LUC7L: variants seen among roughly 807,000 people sequenced by gnomAD.
The protein encoded by LUC7L is putative RNA-binding protein Luc7-like 1.
In LUC7L, 29 loss-of-function variants were observed where a neutral mutation model predicts 51.1. The ratio of observed to expected loss-of-function variants is 0.57; its 90% confidence interval spans 0.42 to 0.77. The LOEUF (loss-of-function observed/expected upper bound fraction) is 0.77. LUC7L is among the 30% of genes least tolerant of loss of function. The probability of loss-of-function intolerance (pLI) is 0.00; values close to 1 mark genes in which losing one functional copy is unlikely to be tolerated. For missense variants in LUC7L, 403 were observed against 511.9 expected, an observed-to-expected ratio of 0.79 and a Z score of 2.05; for synonymous variants, 181 against 180.7, an observed-to-expected ratio of 1.00 and a Z score of -0.01.
chr16:223,967 C>T (rs547637093), intron 2 of LUC7L, among the ~76,000 whole-genome samples: 7 of 152,132 alleles, frequency 4.6e-5, no homozygotes, highest in African/African-American at 7.2e-5. Context: ...TATGAGCCAC[C>T]GCACCTGGCC....
chr16:195,253 C>T (rs2142043606), intron 6 of LUC7L, among the ~76,000 whole-genome samples: 1 of 151,518 alleles, frequency 6.6e-6, no homozygotes, highest in Non-Finnish European at 1.5e-5. Flanking sequence ...GTAAGACCTC[C>T]TACCTAAAAA....
intron 6 of LUC7L, among the ~76,000 whole-genome samples, chr16:197,100 G>C (rs1248303438): frequency 6.7e-6 from 1 of 150,340 alleles, no homozygotes; most frequent in East Asian, 2.0e-4. Context: ...TAGAGACGGG[G>C]TTTCACCTTG....
chr16:216,659 C>A (rs1473818109), intron 3 of LUC7L, among the ~76,000 whole-genome samples: 2 of 152,226 alleles, frequency 1.3e-5, no homozygotes, highest in South Asian at 2.1e-4. Context: ...AGATTACAGG[C>A]ATAAGCCACC....
chr16:217,164 G>A lies in LUC7L; in HGVS notation c.255+3485C>T, dbSNP rs151167822. Among the ~76,000 whole-genome samples the A allele has an allele frequency of 5.9e-3, 900 of 152,030 alleles. 16 individuals carry two copies. Among genetic ancestry groups the A allele is most frequent in the African/African-American group, 0.02 (831 of 41,462 alleles). On this transcript the variant is annotated intron_variant, in intron 3 of 9. Coordinates refer to ENST00000293872, the MANE Select transcript of LUC7L (RefSeq NM_201412.3). ...CCCGAGTAGTTGGGATTAGAGGACA[G>A]CACCACCATGCCCAGCTAATTTTTG...
At chr16:204,550 C>T (rs1454984466) in intron 5 of LUC7L, among the ~76,000 whole-genome samples, 5 of 150,162 alleles carry the variant, frequency 3.3e-5, no homozygotes, top group African/African-American at 9.8e-5. Flanking sequence ...ACTGAGATCG[C>T]ACCACTGCAC....
At chr16:214,684 G>A (rs1442423825) in intron 3 of LUC7L, among the ~76,000 whole-genome samples, 1 of 152,044 alleles carries the variant, frequency 6.6e-6, no homozygotes, top group African/African-American at 2.4e-5. Context: ...AGGCCACCTT[G>A]TCTGGCTAAT....
At chr16:197,542 TA>T (rs2049186226) in intron 6 of LUC7L, among the ~76,000 whole-genome samples, 1 of 152,184 alleles carries the variant, frequency 6.6e-6, no homozygotes, top group African/African-American at 2.4e-5. Flanking sequence ...TATAAACTTA[TA>T]AAGAAAAATT....
intron 4 of LUC7L, 75 bp downstream of exon 4, chr16:208,003 C>A (rs1465711192): frequency 3.0e-6 from 3 of 1,007,664 alleles, no homozygotes; most frequent in Non-Finnish European, 4.5e-6. Flanking sequence ...AGGGAGACTC[C>A]ATCTCAAAAA....
At chr16:202,397 C>T (rs2049359776) in intron 5 of LUC7L, among the ~76,000 whole-genome samples, 1 of 152,160 alleles carries the variant, frequency 6.6e-6, no homozygotes, top group African/African-American at 2.4e-5. Flanking sequence ...CATTGGAGGT[C>T]ACATTTCAAC....
In LUC7L at chr16:208,159, A is replaced by G. The variant is rs2049537560; in HGVS notation, c.285T>C (p.Ala95=). The G allele has an allele frequency of 6.2e-7, 1 of 1,613,660 alleles. No individual in the cohort carries two copies. The highest frequency in any genetic ancestry group is 8.5e-7 in the Non-Finnish European group (1 of 1,179,826). The change falls in exon 4 of 10, where the codon GCT becomes GCC. Residue 95 remains alanine, a synonymous_variant. Transcript: ENST00000293872. ...DAMDHLESFI[A]ECDRRTELAK... is the part of the protein sequence containing the mutation. ...CGAGCTCAGTTCTCCGATCACATTC[A>G]GCAATAAAGGACTCCAAGTGATCCA...
chr16:189,996 C>A lies in LUC7L; in HGVS notation c.946G>T (p.Ala316Ser). 1 of 1,613,674 alleles carries A rather than the reference C, an allele frequency of 6.2e-7. No individual in the cohort carries two copies. Among genetic ancestry groups the A allele is most frequent in the Non-Finnish European group, 8.5e-7 (1 of 1,179,650 alleles). The change falls in exon 9 of 10, where the codon GCT becomes TCT. Residue 316 changes from alanine (A) to serine (S), a missense_variant. Around this residue, in one of 3 missense-constraint regions of LUC7L, gnomAD observed 206 missense variants for 218.3 expected, o/e 0.94. Transcript: ENST00000293872. ...SRSHSRGHRR[A>S]SRDRSAKYKF... ...TATTTCGCACTTCGGTCCCGGGAAG[C>A]CCGACGATGTCCCCGGCTGTGGCTC...
At chr16:202,885 C>T (rs1440470184) in intron 5 of LUC7L, among the ~76,000 whole-genome samples, 23 of 152,178 alleles carry the variant, frequency 1.5e-4, no homozygotes, top group Admixed American at 1.3e-3. Flanking sequence ...CAGTGGCTCA[C>T]GCCTGTAATC....
chr16:189,594 C>T (rs1267286383), intron 9 of LUC7L: 1 of 1,356,996 alleles, frequency 7.4e-7, no homozygotes, highest in South Asian at 2.1e-5. Context: ...GAATACAACA[C>T]TATATGCACA....
intron 6 of LUC7L, among the ~76,000 whole-genome samples, chr16:195,701 G>A (rs2049130607): frequency 6.6e-6 from 1 of 152,120 alleles, no homozygotes; most frequent in African/African-American, 2.4e-5. Context: ...GGAATTACAG[G>A]CGTGAGCCAC....
At position 208,155 on chromosome 16, in the gene LUC7L, A is replaced by T. The variant is rs1214200359; in HGVS notation, c.289T>A (p.Cys97Ser). 2 of 1,613,482 alleles carry T rather than the reference A, an allele frequency of 1.2e-6. No homozygotes were observed. The highest frequency in any genetic ancestry group is 1.7e-6 in the Non-Finnish European group (2 of 1,179,828). ...MDHLESFIAE[C>S]DRRTELAKKR... Reference sequence around the variant, plus strand: ...TTGGCGAGCTCAGTTCTCCGATCACATTCAGCAATAAAGGACTCCAAGTGA... The same window carrying T: ...TTGGCGAGCTCAGTTCTCCGATCACTTTCAGCAATAAAGGACTCCAAGTGA... Residue 97 changes from cysteine (C) to serine (S), a missense_variant, in exon 4 of 10, where the codon TGT (cysteine) becomes AGT (serine). Physicochemically the swap from Cys to Ser is moderately radical, Grantham distance 112 (BLOSUM62 -1). Coordinates refer to ENST00000293872, the MANE Select transcript of LUC7L (RefSeq NM_201412.3).
Position 229,155 on chromosome 16 carries a change from GGGA to G in LUC7L, c.61+121_61+123del, listed in dbSNP as rs2050208597. ...CCCGGCGCCTGCGGTCGGAGCGCGG[GGGA>G]GGAGGAGCGATGCCCCGCGCAGGCG... On this transcript the variant is annotated intron_variant, in intron 1 of 9. Transcript: ENST00000293872. The G allele has an allele frequency of 3.7e-5, 53 of 1,433,110 alleles. No individual in the cohort carries two copies. The South Asian group carries it at 6.0e-4, about 16-fold the overall frequency. The allele number at this position is 1,433,110 out of a possible 1,614,324, so 88.8% of individuals were successfully genotyped here. A position where few individuals can be genotyped will look rare whatever the true frequency, so the allele number is the denominator to read the frequency against.
intron 1 of LUC7L, chr16:228,314 G>A: frequency 7.7e-7 from 1 of 1,304,158 alleles, no homozygotes; most frequent in East Asian, 5.5e-5. Context: ...TAACAGCTTA[G>A]AAATTGGTTG....
At chr16:212,020 G>A (rs2049655252) in intron 3 of LUC7L, among the ~76,000 whole-genome samples, 2 of 152,188 alleles carry the variant, frequency 1.3e-5, no homozygotes, top group Non-Finnish European at 2.9e-5. Context: ...GGGGCCGGGC[G>A]CGGTGGCTCA....
At position 189,273 on chromosome 16, in the gene LUC7L, C is replaced by G. The variant is rs368650717; in HGVS notation, c.1041G>C (p.Pro347=). The stretch of plus-strand genomic sequence containing the variant: ...CGTTGGAGCTCTCAAGCCTCCAGTC[C>G]GGGGGCCCTCGCTCGCTCCGCCCGC... ...WESGRSERGP[P]DWRLESSNGK... is the part of the protein sequence containing the mutation. The change falls in exon 10 of 10, where the codon CCG becomes CCC. Residue 347 remains proline (P), a synonymous_variant. Coordinates refer to ENST00000293872, the MANE Select transcript of LUC7L (RefSeq NM_201412.3). The G allele has an allele frequency of 1.1e-5, 17 of 1,613,820 alleles. No homozygotes were observed. In the African/African-American group the frequency reaches 2.0e-4, roughly 19 times the overall value.
Sources: gnomAD v4.1 joint callset for allele counts (sites outside exome capture counted in the v4.1 genomes callset) on GRCh38, gnomAD v4.1.1 for gene constraint, gnomAD v4.1.1 regional missense constraint, MANE v1.5 for transcripts, NCBI Gene and HGNC (gene_info 2026-07-23, HGNC 2026-07-21) for gene names.